Variants in NEO1 observed in about 807,000 individuals in gnomAD.
NEO1 encodes neogenin.
A neutral mutation model predicts 159.7 loss-of-function variants in NEO1; 63 were observed. The observed-to-expected ratio is 0.39, with a 90% CI of 0.32 to 0.49. The LOEUF (loss-of-function observed/expected upper bound fraction) is 0.49, where lower values mean the gene tolerates loss of function less well. NEO1 is among the 20% of genes least tolerant of loss of function. The pLI is 0.85. For missense variants in NEO1, 1,615 were observed against 1,831.0 expected (o/e 0.88, Z 2.15); for synonymous variants, 633 against 662.0 (o/e 0.96, Z 0.67).
At chr15:73,196,919 T>G (rs2036562929) in intron 7 of NEO1, among the ~76,000 whole-genome samples, 2 of 152,216 alleles carry the variant, frequency 1.3e-5, no homozygotes. Context: ...CGTGGTCAGT[T>G]TTTTTGGTGA....
At position 73,298,561 on chromosome 15, in the gene NEO1, C is replaced by G. The variant is rs1208130544; in HGVS notation, c.4115C>G (p.Pro1372Arg). The G allele has an allele frequency of 6.2e-6, 10 of 1,614,104 alleles. No homozygotes were observed. The African/African-American group carries it at 1.3e-4, about 22-fold the overall frequency. The change falls in exon 27 of 29, where the codon CCT (proline) becomes CGT (arginine). Residue 1372 changes from proline to arginine, a missense_variant. Physicochemically the swap from Pro to Arg is moderately radical, Grantham distance 103 (BLOSUM62 -2). Transcript: ENST00000261908. ...GTGCCAGCAATCCCGCCTCCAGGAC[C>G]TCCCACCTATGATCCTGCATTGCCA... ...FAVPAIPPPGPPTYDPALPST... is the reference protein window; with the variant it reads ...FAVPAIPPPGRPTYDPALPST...
intron 5 of NEO1, among the ~76,000 whole-genome samples, chr15:73,141,250 T>C (rs1192811419): frequency 6.6e-6 from 1 of 152,246 alleles, no homozygotes; most frequent in Non-Finnish European, 1.5e-5. Context: ...GTCTGACTTC[T>C]GTTATTTTTT....
intron 3 of NEO1, among the ~76,000 whole-genome samples, 153 bp downstream of exon 3, chr15:73,122,953 T>A (rs1024781227): frequency 6.6e-6 from 1 of 152,158 alleles, no homozygotes; most frequent in Non-Finnish European, 1.5e-5. Context: ...GTGGATCACC[T>A]GAGTTCCAGC....
At chr15:73,120,573 A>G (rs1255258760) in intron 2 of NEO1, among the ~76,000 whole-genome samples, 1 of 151,730 alleles carries the variant, frequency 6.6e-6, no homozygotes, top group Non-Finnish European at 1.5e-5. Context: ...TTTAGATATT[A>G]TAATAGCTAG....
chr15:73,186,307 G>C (rs2035922989), intron 7 of NEO1, among the ~76,000 whole-genome samples: 1 of 151,530 alleles, frequency 6.6e-6, no homozygotes, highest in African/African-American at 2.4e-5. Context: ...AGTGAGCACA[G>C]AGCAACTTTT....
chr15:73,259,487 G>A (rs1049038962), intron 14 of NEO1, among the ~76,000 whole-genome samples: 1 of 150,692 alleles, frequency 6.6e-6, no homozygotes, highest in South Asian at 2.1e-4. Flanking sequence ...TCAGCCTCCT[G>A]AGCAGCTGGG....
At chr15:73,072,271 T>A (rs1163520527) in intron 1 of NEO1, among the ~76,000 whole-genome samples, 1 of 149,296 alleles carries the variant, frequency 6.7e-6, no homozygotes, top group Non-Finnish European at 1.5e-5. Context: ...TTTTTTTTTT[T>A]AACTGTGAAA....
chr15:73,052,292 TCCCGCCC>T (rs1205316445), upstream of NEO1, among the ~76,000 whole-genome samples: 4 of 102,220 alleles, frequency 3.9e-5, no homozygotes, highest in African/African-American at 7.4e-5. Flanking sequence ...CGCCCGGGAC[TCCCGCCC>T]CCCGCCCCCG....
chr15:73,127,796 C>T (rs2030496958), intron 4 of NEO1, among the ~76,000 whole-genome samples: 1 of 152,134 alleles, frequency 6.6e-6, no homozygotes, highest in Non-Finnish European at 1.5e-5. Flanking sequence ...TAGTGGGAAA[C>T]ATTTTAACAC....
chr15:73,069,143 T>C (rs1171160521), intron 1 of NEO1, among the ~76,000 whole-genome samples: 3 of 150,210 alleles, frequency 2.0e-5, no homozygotes, highest in Non-Finnish European at 4.4e-5. Flanking sequence ...TTTTTTTTTT[T>C]GTAGAGACAG....
At chr15:73,153,359 C>T (rs545215390) in intron 5 of NEO1, among the ~76,000 whole-genome samples, 1 of 151,988 alleles carries the variant, frequency 6.6e-6, no homozygotes, top group East Asian at 1.9e-4. Context: ...ATAGTATACT[C>T]GTCTTCATCT....
chr15:73,206,647 C>G (rs1282075298), intron 7 of NEO1, among the ~76,000 whole-genome samples: 25 of 151,866 alleles, frequency 1.6e-4, no homozygotes, highest in Non-Finnish European at 1.5e-5. Context: ...TTCTCATGTC[C>G]TTTACTCTAT....
In NEO1 at chr15:73,116,644, G is replaced by A; in HGVS notation, c.235G>A (p.Glu79Lys). The change falls in exon 2 of 29, where the codon GAG (glutamate) becomes AAG (lysine). Residue 79 changes from glutamate (E) to lysine (K), a missense_variant. Around this residue, in one of 3 missense-constraint regions of NEO1, gnomAD observed 1,018 missense variants for 1,115.4 expected, o/e 0.91. Transcript: ENST00000261908. ...SVILNCSAYS[E>K]PSPKIEWKKD... is the part of the protein sequence containing the mutation. ...TATATTAAACTGTTCAGCATATTCT[G>A]AGCCTTCTCCAAAAATTGAATGGAA... is the stretch of plus-strand genomic sequence containing the variant. 6.2e-7 allele frequency: 1 copy of A among 1,613,914 alleles called. No homozygotes were observed. The highest frequency in any genetic ancestry group is 8.5e-7 in the Non-Finnish European group (1 of 1,179,922).
At chr15:73,095,187 G>A in intron 1 of NEO1, among the ~76,000 whole-genome samples, 1 of 149,248 alleles carries the variant, frequency 6.7e-6, no homozygotes, top group African/African-American at 2.5e-5. Context: ...CCAGCCTGGC[G>A]ACAGAGTGAG....
At chr15:73,063,833 G>T (rs181982108) in intron 1 of NEO1, among the ~76,000 whole-genome samples, 13 of 152,308 alleles carry the variant, frequency 8.5e-5, no homozygotes, top group African/African-American at 2.9e-4. Flanking sequence ...TGTCATGGTA[G>T]GAAGGAGGGT....
At chr15:73,084,014 T>A (rs1595934857) in intron 1 of NEO1, among the ~76,000 whole-genome samples, 1 of 152,274 alleles carries the variant, frequency 6.6e-6, no homozygotes, top group Admixed American at 6.5e-5. Context: ...TTGAATATAT[T>A]TATTGTGGAC....
chr15:73,077,486 G>A (rs974758938), intron 1 of NEO1, among the ~76,000 whole-genome samples: 6 of 152,214 alleles, frequency 3.9e-5, no homozygotes, highest in African/African-American at 9.6e-5. Flanking sequence ...GGAAGCTTGT[G>A]TGAATGAAGT....
At chr15:73,244,064 A>G (rs1305852669) in intron 8 of NEO1, among the ~76,000 whole-genome samples, 1 of 152,210 alleles carries the variant, frequency 6.6e-6, no homozygotes, top group African/African-American at 2.4e-5. Flanking sequence ...TTGAAATGGC[A>G]TTGAGAAGAG....
intron 7 of NEO1, among the ~76,000 whole-genome samples, chr15:73,199,479 A>G (rs552799455): frequency 6.6e-6 from 1 of 152,270 alleles, no homozygotes; most frequent in South Asian, 2.1e-4. Flanking sequence ...AAGTATTTAC[A>G]TAGACTATTT....
Sources: allele counts gnomAD v4.1 joint callset (sites outside exome capture counted in the v4.1 genomes callset), GRCh38; gene constraint gnomAD v4.1.1; regional missense constraint gnomAD v4.1.1; transcripts MANE v1.5; gene names NCBI Gene and HGNC (gene_info 2026-07-23, HGNC 2026-07-21).